Variants in DOCK3 observed in about 807,000 individuals in gnomAD.
DOCK3 encodes the protein dedicator of cytokinesis 3.
Under a neutral mutation model 265.6 loss-of-function variants are expected in DOCK3, and 60 were observed. The ratio of observed to expected loss-of-function variants is 0.23; its 90% CI spans 0.18 to 0.28. The LOEUF (loss-of-function observed/expected upper bound fraction) is 0.28, where lower values mean the gene tolerates loss of function less well. Ranked by LOEUF, DOCK3 falls within the 10% of genes least tolerant of loss-of-function variation. DOCK3 has a pLI of 1.00. For missense variants in DOCK3, 1,981 were observed against 2,594.3 expected, an observed-to-expected ratio of 0.76 and a Z score of 5.14; for synonymous variants, 881 against 938.0, an observed-to-expected ratio of 0.94 and a Z score of 1.11.
chr3:51,320,428 GT>G (rs146387402), intron 32 of DOCK3, among the ~76,000 whole-genome samples: 29 of 146,586 alleles, frequency 2.0e-4, no homozygotes, highest in Middle Eastern at 3.6e-3. Context: ...TTTTGTTTTT[GT>G]TTTTTTTTTT....
chr3:51,321,184 CAG>C (rs998581639), intron 32 of DOCK3, among the ~76,000 whole-genome samples: 3 of 152,146 alleles, frequency 2.0e-5, no homozygotes, highest in African/African-American at 7.2e-5. Flanking sequence ...CCCAGGCAAA[CAG>C]GGTCTGGAGT....
chr3:50,987,541 TG>T, intron 5 of DOCK3, among the ~76,000 whole-genome samples: 1 of 152,072 alleles, frequency 6.6e-6, no homozygotes. Context: ...AAAAATTTGG[TG>T]GGGGGAGTGG....
At chr3:50,683,013 C>T (rs992283887) in intron 1 of DOCK3, among the ~76,000 whole-genome samples, 5 of 152,242 alleles carry the variant, frequency 3.3e-5, no homozygotes, top group Non-Finnish European at 7.3e-5. Context: ...AGACGCACCT[C>T]AGAACCAGGC....
chr3:50,916,018 C>A (rs545560512), intron 4 of DOCK3, among the ~76,000 whole-genome samples: 1 of 151,990 alleles, frequency 6.6e-6, no homozygotes, highest in Non-Finnish European at 1.5e-5. Flanking sequence ...CATGTCTGCT[C>A]GCCCCCAGAG....
chr3:50,761,038 C>T (rs2040497320), intron 1 of DOCK3, among the ~76,000 whole-genome samples: 1 of 151,748 alleles, frequency 6.6e-6, no homozygotes, highest in African/African-American at 2.4e-5. Flanking sequence ...CCTTGGCTTC[C>T]CAAAGTGCTG....
intron 5 of DOCK3, among the ~76,000 whole-genome samples, chr3:50,952,145 A>G (rs2076607637): frequency 6.6e-6 from 1 of 152,222 alleles, no homozygotes; most frequent in South Asian, 2.1e-4. Context: ...ACATTCTTTC[A>G]GTGAGACAGC....
intron 27 of DOCK3, among the ~76,000 whole-genome samples, chr3:51,287,643 C>T (rs569261744): frequency 6.6e-6 from 1 of 152,084 alleles, no homozygotes; most frequent in African/African-American, 2.4e-5. Flanking sequence ...ATAACAAATG[C>T]TGGTGAGGTT....
chr3:51,337,966 TCAG>T (rs1344512740), intron 35 of DOCK3, among the ~76,000 whole-genome samples: 9 of 152,206 alleles, frequency 5.9e-5, no homozygotes, highest in African/African-American at 2.2e-4. Context: ...TGGCTTCTAT[TCAG>T]CACTCCTACA....
At chr3:50,795,628 C>T (rs1022493356) in intron 2 of DOCK3, among the ~76,000 whole-genome samples, 1 of 152,078 alleles carries the variant, frequency 6.6e-6, no homozygotes, top group Non-Finnish European at 1.5e-5. Flanking sequence ...GATCTGCCTG[C>T]CTTGGCCTCT....
intron 9 of DOCK3, among the ~76,000 whole-genome samples, chr3:51,143,498 G>C (rs2085161004): frequency 6.6e-6 from 1 of 152,044 alleles, no homozygotes; most frequent in South Asian, 2.1e-4. Context: ...TCAAACTCCT[G>C]ACCTCAGGAG....
chr3:50,901,557 A>G (rs2049196774), intron 4 of DOCK3: 1 of 448,680 alleles, frequency 2.2e-6, no homozygotes, highest in African/African-American at 2.0e-5. Flanking sequence ...GTCTGCCCAA[A>G]TGGTCACCTA....
chr3:50,970,938 TATATATATA>T (rs1445466838), intron 5 of DOCK3, among the ~76,000 whole-genome samples: 26 of 75,406 alleles, frequency 3.4e-4, no homozygotes, highest in East Asian at 1.3e-3. Context: ...TATATATATA[TATATATATA>T]ATGTGTGTGT....
At chr3:51,112,517 A>G (rs2083564288) in intron 9 of DOCK3, among the ~76,000 whole-genome samples, 1 of 152,238 alleles carries the variant, frequency 6.6e-6, no homozygotes, top group Non-Finnish European at 1.5e-5. Flanking sequence ...CAAGTTGTAT[A>G]CTTAGATTTG....
At chr3:51,045,900 T>G (rs2080758498) in intron 5 of DOCK3, among the ~76,000 whole-genome samples, 2 of 152,158 alleles carry the variant, frequency 1.3e-5, no homozygotes, top group Admixed American at 1.3e-4. Context: ...TTGAGATAAT[T>G]ATAGATTTCC....
At chr3:50,839,617 CTTAT>C (rs2045703151) in intron 2 of DOCK3, among the ~76,000 whole-genome samples, 1 of 151,164 alleles carries the variant, frequency 6.6e-6, no homozygotes, top group Non-Finnish European at 1.5e-5. Context: ...TTCTCATATT[CTTAT>C]TTGTCATCTC....
chr3:51,129,503 A>G (rs891018682), intron 9 of DOCK3, among the ~76,000 whole-genome samples: 6 of 152,304 alleles, frequency 3.9e-5, no homozygotes, highest in African/African-American at 1.2e-4. Context: ...AAGCCTGATC[A>G]TGTATATTCC....
At chr3:50,945,992 T>C (rs1022172441) in intron 5 of DOCK3, among the ~76,000 whole-genome samples, 7 of 150,104 alleles carry the variant, frequency 4.7e-5, no homozygotes, top group Non-Finnish European at 7.4e-5. Flanking sequence ...CTTGGGAAGC[T>C]GAGGCAGGAA....
chr3:51,022,638 T>C (rs547995710), intron 5 of DOCK3, among the ~76,000 whole-genome samples: 1 of 152,314 alleles, frequency 6.6e-6, no homozygotes, highest in East Asian at 1.9e-4. Flanking sequence ...ATGTATAGTT[T>C]GCAAGTATTT....
At chr3:50,789,230 T>C (rs1282582534) in intron 2 of DOCK3, among the ~76,000 whole-genome samples, 1 of 152,232 alleles carries the variant, frequency 6.6e-6, no homozygotes, top group African/African-American at 2.4e-5. Context: ...TTGATTTCAT[T>C]GTTGACCCAA....
Sources: allele counts gnomAD v4.1 joint callset (sites outside exome capture counted in the v4.1 genomes callset), GRCh38; gene constraint gnomAD v4.1.1; transcripts MANE v1.5; gene names NCBI Gene and HGNC (gene_info 2026-07-23, HGNC 2026-07-21).